Variants in SGIP1 observed in about 807,000 individuals in gnomAD.
SGIP1 encodes the protein SH3GL interacting endocytic adaptor 1, also known as SH3-containing GRB2-like protein 3-interacting protein 1.
A neutral mutation model predicts 107.5 loss-of-function variants in SGIP1; 38 were observed. That is an observed-to-expected ratio of 0.35 (90% CI 0.27 to 0.46). The LOEUF (loss-of-function observed/expected upper bound fraction) is 0.46, where lower values mean the gene tolerates loss of function less well. Among genes scored for constraint, SGIP1 ranks in the 20% least tolerant of loss-of-function variants. The probability of loss-of-function intolerance (pLI) is 1.00; values close to 1 mark genes in which losing one functional copy is unlikely to be tolerated. For synonymous variants in SGIP1, 365 were observed against 366.1 expected (o/e 1.00, Z 0.03); for missense variants, 929 against 1,019.5 (o/e 0.91, Z 1.21).
chr1:66,706,006 CT>C (rs1317585640), intron 18 of SGIP1, among the ~76,000 whole-genome samples: 1 of 151,920 alleles, frequency 6.6e-6, no homozygotes, highest in Admixed American at 6.6e-5. Flanking sequence ...CCTACACATT[CT>C]GTACATGTAT....
At chr1:66,583,834 C>T (rs916147496) in intron 1 of SGIP1, among the ~76,000 whole-genome samples, 4 of 152,144 alleles carry the variant, frequency 2.6e-5, no homozygotes, top group African/African-American at 9.7e-5. Context: ...TCTCCTAGTA[C>T]AGTAGTCAAC....
chr1:66,601,206 A>C (rs1048193847), intron 1 of SGIP1, among the ~76,000 whole-genome samples: 1 of 152,142 alleles, frequency 6.6e-6, no homozygotes. Flanking sequence ...TGCTAAAAAT[A>C]CAAAAAAAAT....
intron 1 of SGIP1, among the ~76,000 whole-genome samples, chr1:66,550,951 T>C (rs2057310275): frequency 6.6e-6 from 1 of 152,148 alleles, no homozygotes; most frequent in South Asian, 2.1e-4. Flanking sequence ...GATTTAAACT[T>C]ACTATATTCC....
rs869266510 is a variant in SGIP1, at chr1:66,683,700, C to CTT, written c.1315+1358_1315+1359dup. Among the ~76,000 whole-genome samples, 422 of 61,378 alleles carry CTT rather than the reference C, an allele frequency of 6.9e-3. 45 individuals carry two copies. Among genetic ancestry groups the CTT allele is most frequent in the African/African-American group, 0.022 (380 of 17,634 alleles). The allele number at this position is 61,378 out of a possible 152,430, so 40.3% of individuals were successfully genotyped here. A position where few individuals can be genotyped will look rare whatever the true frequency, so the allele number is the denominator to read the frequency against. On this transcript the variant is annotated intron_variant, in intron 15 of 24. Transcript: ENST00000371037. The stretch of plus-strand genomic sequence containing the variant: ...ACCACACTGTTTGTTTGTTTCTTTT[C>CTT]TTTTTTTTTTTTTTTTTTTTTTTTT...
chr1:66,739,171 T>G (rs2150731874), intron 21 of SGIP1, among the ~76,000 whole-genome samples, 164 bp from the exon 22 acceptor site: 1 of 152,036 alleles, frequency 6.6e-6, no homozygotes, highest in Middle Eastern at 3.4e-3. Context: ...GTGTTTTTAG[T>G]CTGTAACAGT....
chr1:66,743,106 T>C lies in SGIP1; in HGVS notation c.*11T>C. On this transcript the variant is annotated 3_prime_UTR_variant, in exon 25 of 25. Transcript: ENST00000371037. ...TTGGCAGATAACTAATGAAATCTTATGCAAGGATTTGGAGGATTCATATAA... is the reference window on the plus strand; with the variant it reads ...TTGGCAGATAACTAATGAAATCTTACGCAAGGATTTGGAGGATTCATATAA... The C allele has an allele frequency of 6.2e-7, 1 of 1,613,132 alleles. No homozygotes were observed. Among genetic ancestry groups the C allele is most frequent in the African/African-American group, 1.3e-5 (1 of 75,030 alleles).
rs576561978 is a variant in SGIP1, at chr1:66,750,222, T to A, written c.*7127T>A. Among the ~76,000 whole-genome samples, 12 of 152,354 alleles carry A rather than the reference T, an allele frequency of 7.9e-5. No homozygotes were observed. The East Asian group carries it at 2.3e-3, about 29-fold the overall frequency. Reference sequence around the variant, plus strand: ...AATGTATACAGCTGGCTTTTTAAGCTGTTTGAACACTATTGTTTTCGATTA... The same window carrying A: ...AATGTATACAGCTGGCTTTTTAAGCAGTTTGAACACTATTGTTTTCGATTA... On this transcript the variant is annotated 3_prime_UTR_variant, in exon 25 of 25. Coordinates refer to ENST00000371037, the MANE Select transcript of SGIP1 (RefSeq NM_032291.4).
At chr1:66,742,681 G>C (rs1213090983) in intron 24 of SGIP1, among the ~76,000 whole-genome samples, 1 of 149,134 alleles carries the variant, frequency 6.7e-6, no homozygotes, top group African/African-American at 2.6e-5. Flanking sequence ...GTGTTAGCCA[G>C]GATGGTCTCG....
chr1:66,700,382 A>C (rs1452349250), intron 18 of SGIP1, among the ~76,000 whole-genome samples: 1 of 151,438 alleles, frequency 6.6e-6, no homozygotes, highest in Non-Finnish European at 1.5e-5. Context: ...AAAAAAAAAA[A>C]AAAAAAACAG....
At chr1:66,729,557 C>A in intron 20 of SGIP1, 138 bp downstream of exon 20, 1 of 1,186,902 alleles carries the variant, frequency 8.4e-7, no homozygotes, top group Non-Finnish European at 1.2e-6. Flanking sequence ...GATTCAAGCA[C>A]AGAACTTTTA....
At chr1:66,643,500 C>A (rs1218341348) in intron 6 of SGIP1, 44 bp from the exon 7 acceptor site, 5 of 1,546,936 alleles carry the variant, frequency 3.2e-6, no homozygotes, top group Non-Finnish European at 3.5e-6. Flanking sequence ...GAGTCGTTGC[C>A]TCCCAGTAGA....
chr1:66,574,055 TC>T (rs1182487795), intron 1 of SGIP1, among the ~76,000 whole-genome samples: 1 of 152,162 alleles, frequency 6.6e-6, no homozygotes, highest in African/African-American at 2.4e-5. Context: ...CACATTTGTT[TC>T]CTCATTCACA....
intron 15 of SGIP1, chr1:66,684,249 T>C: frequency 6.5e-7 from 1 of 1,549,242 alleles, no homozygotes; most frequent in East Asian, 2.4e-5. Context: ...TTTGTAAGGT[T>C]TGGTCATAAA....
chr1:66,548,401 G>A (rs972225018), intron 1 of SGIP1, among the ~76,000 whole-genome samples: 1 of 152,050 alleles, frequency 6.6e-6, no homozygotes, highest in African/African-American at 2.4e-5. Context: ...ATTGAGGTCG[G>A]TAGGCTCAAA....
chr1:66,672,559 T>C (rs1391829088), intron 11 of SGIP1, among the ~76,000 whole-genome samples: 1 of 152,172 alleles, frequency 6.6e-6, no homozygotes. Flanking sequence ...TCCCCTCTCC[T>C]CTTCACCCCT....
At chr1:66,626,179 A>AGTCTCAG (rs1437177978) in intron 2 of SGIP1, 1 of 211,374 alleles carries the variant, frequency 4.7e-6, no homozygotes, top group Non-Finnish European at 8.5e-6. Flanking sequence ...ACTTCCCAGC[A>AGTCTCAG]GTCTCAGGAG....
chr1:66,600,384 T>C (rs1347799779), intron 1 of SGIP1, among the ~76,000 whole-genome samples: 1 of 152,040 alleles, frequency 6.6e-6, no homozygotes, highest in East Asian at 1.9e-4. Context: ...GAAATGGAAG[T>C]CATGTCAATG....
In SGIP1 at chr1:66,750,168, G is replaced by C. The variant is rs1263262155; in HGVS notation, c.*7073G>C. ...ATGATGATATATTAATCTTATCTATGAACAGAGCTTCACCACAGGCCAAGC... is the reference window on the plus strand; with the variant it reads ...ATGATGATATATTAATCTTATCTATCAACAGAGCTTCACCACAGGCCAAGC... On this transcript the variant is annotated 3_prime_UTR_variant, in exon 25 of 25. Transcript: ENST00000371037. 6.6e-6 allele frequency among the ~76,000 whole-genome samples: 1 copy of C among 151,956 alleles called. No individual in the cohort carries two copies. Among genetic ancestry groups the C allele is most frequent in the Non-Finnish European group, 1.5e-5 (1 of 67,974 alleles).
intron 21 of SGIP1, among the ~76,000 whole-genome samples, chr1:66,737,260 T>A (rs2094296120): frequency 6.6e-6 from 1 of 152,190 alleles, no homozygotes; most frequent in Admixed American, 6.5e-5. Context: ...ATACACTGCA[T>A]GTACATCTTC....
Sources: gnomAD v4.1 joint callset for allele counts (sites outside exome capture counted in the v4.1 genomes callset) on GRCh38, gnomAD v4.1.1 for gene constraint, MANE v1.5 for transcripts, NCBI Gene and HGNC (gene_info 2026-07-23, HGNC 2026-07-21) for gene names.